Variants in CFDP1 observed in about 807,000 individuals in gnomAD.
CFDP1 encodes heterochromatin-stabilizing protein CFDP1.
A neutral mutation model predicts 40.1 loss-of-function variants in CFDP1; 31 were observed. That is an observed-to-expected ratio of 0.77 (90% confidence interval 0.58 to 1.04). The LOEUF (loss-of-function observed/expected upper bound fraction) is 1.04, where lower values mean the gene tolerates loss of function less well. CFDP1 is among the 50% of genes least tolerant of loss of function. The pLI, the probability that CFDP1 is intolerant of heterozygous loss-of-function variation, is 0.00. For synonymous variants in CFDP1, 167 were observed against 120.0 expected (o/e 1.39, Z -2.56); for missense variants, 423 against 343.4 (o/e 1.23, Z -1.83).
chr16:75,316,782 C>CTGT (rs1369636010), intron 5 of CFDP1, among the ~76,000 whole-genome samples: 7 of 151,976 alleles, frequency 4.6e-5, no homozygotes, highest in Admixed American at 3.9e-4. Context: ...CCAGCCTGAC[C>CTGT]AACACAGAGA....
chr16:75,320,351 G>A (rs1022119532), intron 5 of CFDP1, among the ~76,000 whole-genome samples: 2 of 152,040 alleles, frequency 1.3e-5, no homozygotes, highest in African/African-American at 4.8e-5. Context: ...GTTTGAAAAA[G>A]ATGCTTTAGC....
At chr16:75,375,409 T>C (rs2078784418) in intron 5 of CFDP1, among the ~76,000 whole-genome samples, 1 of 152,224 alleles carries the variant, frequency 6.6e-6, no homozygotes, top group Non-Finnish European at 1.5e-5. Flanking sequence ...AGAGTCACTT[T>C]ACACATGAAA....
At chr16:75,320,478 A>G (rs1181357670) in intron 5 of CFDP1, among the ~76,000 whole-genome samples, 2 of 152,140 alleles carry the variant, frequency 1.3e-5, no homozygotes, top group Non-Finnish European at 2.9e-5. Context: ...GCAATCAACT[A>G]AAGTAGGGCA....
intron 5 of CFDP1, among the ~76,000 whole-genome samples, chr16:75,349,958 C>G (rs2078599176): frequency 6.6e-6 from 1 of 151,744 alleles, no homozygotes; most frequent in Admixed American, 6.6e-5. Flanking sequence ...TGTCTTTTTC[C>G]TATCTTAGGA....
chr16:75,419,621 A>G (rs2079253595), intron 1 of CFDP1, among the ~76,000 whole-genome samples: 1 of 152,168 alleles, frequency 6.6e-6, no homozygotes, highest in Admixed American at 6.5e-5. Flanking sequence ...CAGGAGGTTA[A>G]GGCATTCTAA....
chr16:75,316,469 C>A (rs2078323587), intron 5 of CFDP1, among the ~76,000 whole-genome samples: 2 of 150,752 alleles, frequency 1.3e-5, no homozygotes, highest in African/African-American at 4.9e-5. Flanking sequence ...CTTTGGGAGG[C>A]CAGGGAGGGA....
intron 5 of CFDP1, among the ~76,000 whole-genome samples, chr16:75,328,803 C>T (rs1324692880): frequency 6.7e-6 from 1 of 150,202 alleles, no homozygotes; most frequent in Non-Finnish European, 1.5e-5. Flanking sequence ...CTCAGCCTCC[C>T]GAGTAGCTGG....
chr16:75,378,340 A>G lies in CFDP1; in HGVS notation c.650+16750T>C, dbSNP rs185983136. On this transcript the variant is annotated intron_variant, in intron 5 of 6. Coordinates refer to ENST00000283882, the MANE Select transcript of CFDP1 (RefSeq NM_006324.3). ...TGAAATAAAATGTCATTCCAATCAT[A>G]TAACAGACATTTACAGTCTGTTTTT... Among the ~76,000 whole-genome samples, 4 of 152,216 alleles carry G rather than the reference A, an allele frequency of 2.6e-5. No individual in the cohort carries two copies. The East Asian group carries it at 5.8e-4, about 22-fold the overall frequency.
intron 5 of CFDP1, among the ~76,000 whole-genome samples, chr16:75,336,871 A>G (rs141589613): frequency 6.6e-6 from 1 of 152,328 alleles, no homozygotes; most frequent in Non-Finnish European, 1.5e-5. Context: ...AAAATTTAGC[A>G]TCTTTTCTAA....
At chr16:75,331,456 G>C (rs996157511) in intron 5 of CFDP1, among the ~76,000 whole-genome samples, 1 of 152,002 alleles carries the variant, frequency 6.6e-6, no homozygotes, top group African/African-American at 2.4e-5. Flanking sequence ...TCTCCCATCA[G>C]TTTTGGCAAA....
At chr16:75,349,716 T>C (rs2078597410) in intron 5 of CFDP1, among the ~76,000 whole-genome samples, 1 of 108,938 alleles carries the variant, frequency 9.2e-6, no homozygotes, top group African/African-American at 3.5e-5. Context: ...TATATACGGT[T>C]GATTTTTACA....
At chr16:75,369,036 A>T (rs1206011484) in intron 5 of CFDP1, among the ~76,000 whole-genome samples, 1 of 152,122 alleles carries the variant, frequency 6.6e-6, no homozygotes, top group African/African-American at 2.4e-5. Context: ...GAAGACCAAA[A>T]CATTTATGTG....
chr16:75,411,162 G>A (rs1353754986), intron 4 of CFDP1, among the ~76,000 whole-genome samples: 1 of 151,984 alleles, frequency 6.6e-6, no homozygotes, highest in Non-Finnish European at 1.5e-5. Flanking sequence ...AGGTCGCAAT[G>A]AGCCGAGATC....
chr16:75,395,246 A>G, intron 4 of CFDP1, 37 bp from the exon 5 acceptor site: 1 of 1,604,988 alleles, frequency 6.2e-7, no homozygotes, highest in Non-Finnish European at 8.5e-7. Flanking sequence ...TTACAAGAAG[A>G]ATAAAGAGAA....
intron 5 of CFDP1, among the ~76,000 whole-genome samples, chr16:75,394,482 G>T (rs1051148190): frequency 3.9e-5 from 6 of 152,110 alleles, no homozygotes; most frequent in Non-Finnish European, 5.9e-5. Flanking sequence ...ACAGAGGATG[G>T]GAGTGAGTGT....
chr16:75,337,626 T>A (rs921990351), intron 5 of CFDP1, among the ~76,000 whole-genome samples: 1 of 152,048 alleles, frequency 6.6e-6, no homozygotes, highest in Non-Finnish European at 1.5e-5. Context: ...AAACTTTCAA[T>A]CATGGCGGGA....
chr16:75,400,980 C>T (rs11149825), intron 4 of CFDP1, among the ~76,000 whole-genome samples: 78,701 of 152,014 alleles, frequency 0.52, 21,448 homozygotes, highest in Admixed American at 0.64. Flanking sequence ...AAAAGAGCCA[C>T]AGAACACTGG....
At chr16:75,320,807 C>T (rs1448990146) in intron 5 of CFDP1, among the ~76,000 whole-genome samples, 2 of 152,132 alleles carry the variant, frequency 1.3e-5, no homozygotes, top group Admixed American at 6.5e-5. Context: ...ATGAGGGGGA[C>T]TCATGCAAAT....
At chr16:75,416,737 G>C (rs1405851860) in intron 1 of CFDP1, among the ~76,000 whole-genome samples, 1 of 152,150 alleles carries the variant, frequency 6.6e-6, no homozygotes. Context: ...AACAGAGCAA[G>C]ACCCTGTCTC....
Sources: allele counts gnomAD v4.1 joint callset (sites outside exome capture counted in the v4.1 genomes callset), GRCh38; gene constraint gnomAD v4.1.1; transcripts MANE v1.5; gene names NCBI Gene and HGNC (gene_info 2026-07-23, HGNC 2026-07-21).